JPH3: variants seen among roughly 807,000 people sequenced by gnomAD.
The protein encoded by JPH3 is junctophilin 3.
In JPH3, 11 loss-of-function variants were observed where a neutral mutation model predicts 59.6. That is an observed-to-expected ratio of 0.18 (90% CI 0.12 to 0.31). The LOEUF is 0.31. Ranked by LOEUF, JPH3 falls within the 10% of genes least tolerant of loss-of-function variation. The pLI, the probability that JPH3 is intolerant of heterozygous loss-of-function variation, is 1.00. For missense variants in JPH3, 1,202 were observed against 1,105.7 expected (o/e 1.09, Z -1.24); for synonymous variants, 673 against 483.6 (o/e 1.39, Z -5.14).
chr16:87,684,158 G>T lies in JPH3; in HGVS notation c.1177G>T (p.Ala393Ser). ...IAASRTSHSR[A>S]KAEAALTAAQ... ...CTCCCCCAGGACCTCCCACTCTCGG[G>T]CAAAGGCCGAGGCAGCCCTCACAGC... Residue 393 changes from alanine (A) to serine (S), a missense_variant, in exon 3 of 5, where the codon GCA (alanine) becomes TCA (serine). Transcript: ENST00000284262. 6.2e-7 allele frequency: 1 copy of T among 1,613,588 alleles called. No individual in the cohort carries two copies. Among genetic ancestry groups the T allele is most frequent in the Non-Finnish European group, 8.5e-7 (1 of 1,179,962 alleles).
intron 1 of JPH3, among the ~76,000 whole-genome samples, chr16:87,625,934 C>G (rs1320800921): frequency 6.6e-6 from 1 of 152,218 alleles, no homozygotes; most frequent in East Asian, 1.9e-4. Flanking sequence ...GGCCTCAAGC[C>G]CCTGCACAGC....
chr16:87,664,856 G>A (rs2032812990), intron 2 of JPH3, among the ~76,000 whole-genome samples: 1 of 152,168 alleles, frequency 6.6e-6, no homozygotes, highest in Non-Finnish European at 1.5e-5. Context: ...AGCAAGACCT[G>A]TATGCAGAGG....
chr16:87,639,296 G>C (rs2031860417), intron 1 of JPH3, among the ~76,000 whole-genome samples: 1 of 151,732 alleles, frequency 6.6e-6, no homozygotes, highest in Non-Finnish European at 1.5e-5. Flanking sequence ...GTGTTGAGTT[G>C]GGATTCGAAC....
chr16:87,686,168 C>G (rs574562246), intron 3 of JPH3, among the ~76,000 whole-genome samples: 1 of 152,224 alleles, frequency 6.6e-6, no homozygotes, highest in Non-Finnish European at 1.5e-5. Context: ...TTGGGTGTTT[C>G]TACCCCCACC....
chr16:87,618,338 TG>T (rs1241607801), intron 1 of JPH3, among the ~76,000 whole-genome samples: 1 of 151,122 alleles, frequency 6.6e-6, no homozygotes, highest in Non-Finnish European at 1.5e-5. Flanking sequence ...GGGCAGCAGC[TG>T]GGGGAGGAGG....
At chr16:87,675,839 T>C (rs1367584601) in intron 2 of JPH3, among the ~76,000 whole-genome samples, 1 of 152,352 alleles carries the variant, frequency 6.6e-6, no homozygotes, top group Middle Eastern at 3.4e-3. Flanking sequence ...TCACCTTTCA[T>C]ACACCCACTC....
intron 2 of JPH3, among the ~76,000 whole-genome samples, chr16:87,656,306 G>C (rs2032500419): frequency 6.6e-6 from 1 of 152,226 alleles, no homozygotes; most frequent in South Asian, 2.1e-4. Flanking sequence ...TTCCCACAAA[G>C]GACTGGATGC....
intron 2 of JPH3, among the ~76,000 whole-genome samples, chr16:87,676,245 C>T (rs944916748): frequency 6.6e-6 from 1 of 152,206 alleles, no homozygotes; most frequent in Non-Finnish European, 1.5e-5. Flanking sequence ...AGAGCAAGGA[C>T]CTTGTTTGTG....
chr16:87,644,910 C>T lies in JPH3; in HGVS notation c.1035C>T (p.Gly345=), dbSNP rs147853977. The change falls in exon 2 of 5, where the codon GGC becomes GGT. Residue 345 remains glycine (G), a synonymous_variant. Transcript: ENST00000284262. ...AGTACAAGCAGAACATCCTCGTCGG[C>T]GGCAAGCGCAAGAACCTCATCCCCC... ...EGKYKQNILV[G]GKRKNLIPLR... 119 of 1,612,958 alleles carry T rather than the reference C, an allele frequency of 7.4e-5. No individual in the cohort carries two copies. Among genetic ancestry groups the T allele is most frequent in the East Asian group, 4.0e-4 (18 of 44,838 alleles).
chr16:87,665,716 C>A (rs28709943), intron 2 of JPH3, among the ~76,000 whole-genome samples: 19,260 of 152,216 alleles, frequency 0.13, 1,664 homozygotes, highest in East Asian at 0.32. Flanking sequence ...TCTAGAACTG[C>A]CCCCTCTTCC....
intron 2 of JPH3, among the ~76,000 whole-genome samples, chr16:87,665,155 C>G (rs1390553896): frequency 1.3e-5 from 2 of 152,126 alleles, no homozygotes; most frequent in African/African-American, 4.8e-5. Context: ...GATCACTGGC[C>G]TGCCCCTGGG....
chr16:87,686,298 G>C (rs1410279148), intron 3 of JPH3, among the ~76,000 whole-genome samples: 1 of 148,468 alleles, frequency 6.7e-6, no homozygotes, highest in African/African-American at 2.5e-5. Flanking sequence ...CCTGGAGTCA[G>C]AGGAGATGCT....
rs549531598 is a variant in JPH3, at chr16:87,638,029, C to T, written c.383-6229C>T. On this transcript the variant is annotated intron_variant, in intron 1 of 4. Coordinates refer to ENST00000284262, the MANE Select transcript of JPH3 (RefSeq NM_020655.4). ...CTGCCTCCTGGGTTCAAGCAATTCTCCTGCCTCTGCCTCCCCAGTAGCTGG... is the reference window on the plus strand; with the variant it reads ...CTGCCTCCTGGGTTCAAGCAATTCTTCTGCCTCTGCCTCCCCAGTAGCTGG... Among the ~76,000 whole-genome samples the T allele has an allele frequency of 4.6e-5, 7 of 152,278 alleles. No individual in the cohort carries two copies. In the East Asian group the frequency reaches 1.2e-3, roughly 25 times the overall value.
In JPH3 at chr16:87,690,344, AAGG is replaced by A. The variant is rs762416185; in HGVS notation, c.1987_1989del (p.Glu663del). 40 of 1,573,336 alleles carry A rather than the reference AAGG, an allele frequency of 2.5e-5. No homozygotes were observed. The highest frequency in any genetic ancestry group is 3.4e-5 in the Non-Finnish European group (39 of 1,161,568). On this transcript the variant is annotated inframe_deletion, in exon 4 of 5. Coordinates refer to ENST00000284262, the MANE Select transcript of JPH3 (RefSeq NM_020655.4). ...GAGACTGCGGTCCAAGGCCCAGAAC[AAGG>A]AGAACTTCAGGCCGGCCTCCTCCGC...
At position 87,690,129 on chromosome 16, in the gene JPH3, C is replaced by G. The variant is rs1479299215; in HGVS notation, c.1769C>G (p.Ala590Gly). ...TTCACGTGGACTTCCCACCACCGGG[C>G]CAGCAACCACAGCCCCGGAGGCTCC... ...PVFTWTSHHR[A>G]SNHSPGGSRL... is the part of the protein sequence containing the mutation. Residue 590 changes from alanine (A) to glycine (G), a missense_variant, in exon 4 of 5, where the codon GCC becomes GGC. Ala to Gly is a moderately conservative substitution (Grantham distance 60, BLOSUM62 0). Coordinates refer to ENST00000284262, the MANE Select transcript of JPH3 (RefSeq NM_020655.4). The G allele has an allele frequency of 6.3e-7, 1 of 1,590,736 alleles. No homozygotes were observed. Among genetic ancestry groups the G allele is most frequent in the Non-Finnish European group, 8.6e-7 (1 of 1,168,872 alleles).
At position 87,611,542 on chromosome 16, in the gene JPH3, A is replaced by G. The variant is rs565854838; in HGVS notation, c.382+8014A>G. 1.5e-4 allele frequency among the ~76,000 whole-genome samples: 23 copies of G among 152,230 alleles called. No individual in the cohort carries two copies. Among genetic ancestry groups the G allele is most frequent in the African/African-American group, 5.3e-4 (22 of 41,516 alleles). On this transcript the variant is annotated intron_variant, in intron 1 of 4. Transcript: ENST00000284262. The surrounding 1 kb of genome is among the most constrained non-coding windows in gnomAD (Gnocchi z 4.5). ...ATGTCACGGGTATTGTTCTGGACCC[A>G]GGGAAGGCTCGCTGGTGCAAATGCT...
chr16:87,683,778 G>A (rs1020986734), intron 2 of JPH3, among the ~76,000 whole-genome samples: 1 of 151,922 alleles, frequency 6.6e-6, no homozygotes, highest in Non-Finnish European at 1.5e-5. Flanking sequence ...AGCTAATTTT[G>A]TATTTTTGGC....
intron 1 of JPH3, among the ~76,000 whole-genome samples, chr16:87,621,107 C>T (rs1306535838): frequency 3.3e-5 from 5 of 152,282 alleles, no homozygotes; most frequent in Non-Finnish European, 5.9e-5. Flanking sequence ...TGCAGTGAGC[C>T]GAAATCGTGC....
At chr16:87,665,082 G>C (rs2032820317) in intron 2 of JPH3, among the ~76,000 whole-genome samples, 1 of 152,220 alleles carries the variant, frequency 6.6e-6, no homozygotes, top group Admixed American at 6.5e-5. Context: ...CCTCTTCCTT[G>C]CCGGAGCTCA....
Sources: gnomAD v4.1 joint callset for allele counts (sites outside exome capture counted in the v4.1 genomes callset) on GRCh38, gnomAD v4.1.1 for gene constraint, Gnocchi (gnomAD v3.1) non-coding constraint, MANE v1.5 for transcripts, NCBI Gene and HGNC (gene_info 2026-07-23, HGNC 2026-07-21) for gene names.